Variants in USP6NL observed in about 807,000 individuals in gnomAD.
USP6NL encodes USP6 N-terminal-like protein.
A neutral mutation model predicts 61.9 loss-of-function variants in USP6NL; 26 were observed. The ratio of observed to expected loss-of-function variants is 0.42; its 90% CI spans 0.31 to 0.58. USP6NL has a LOEUF of 0.58. Ranked by LOEUF, USP6NL falls within the 20% of genes least tolerant of loss-of-function variation. The pLI is 0.16. For missense variants in USP6NL, 1,114 were observed against 1,034.3 expected (o/e 1.08, Z -1.06); for synonymous variants, 432 against 390.1 (o/e 1.11, Z -1.27).
chr10:11,508,916 A>G (rs1383721831), intron 6 of USP6NL, among the ~76,000 whole-genome samples: 1 of 152,242 alleles, frequency 6.6e-6, no homozygotes. Flanking sequence ...TAACTGACAC[A>G]GTATTTATTG....
intron 2 of USP6NL, among the ~76,000 whole-genome samples, chr10:11,545,828 TCTC>T (rs1268297652): frequency 2.0e-5 from 3 of 148,202 alleles, no homozygotes; most frequent in Non-Finnish European, 3.1e-5. Context: ...GAGGGTATCT[TCTC>T]CTGTGAACTT....
Position 11,600,628 on chromosome 10 carries a change from A to T in USP6NL, c.-83-2911T>A, listed in dbSNP as rs549954420. Among the ~76,000 whole-genome samples the T allele has an allele frequency of 3.9e-5, 6 of 152,352 alleles. No individual in the cohort carries two copies. Among genetic ancestry groups the T allele is most frequent in the Non-Finnish European group, 7.3e-5 (5 of 68,034 alleles). Reference sequence around the variant, plus strand: ...AAAAGTCTAGCCATATTTCATAAGAAATACACCTAAATCAGCAAAACACAT... The same window carrying T: ...AAAAGTCTAGCCATATTTCATAAGATATACACCTAAATCAGCAAAACACAT... On this transcript the variant is annotated intron_variant, in intron 1 of 14. Transcript: ENST00000609104. The surrounding 1 kb of genome is among the most constrained non-coding windows in gnomAD (Gnocchi z 4.1).
At position 11,462,339 on chromosome 10, in the gene USP6NL, G is replaced by A. The variant is rs2096217689; in HGVS notation, c.*102C>T. ...CTACTAACAGACAGGAGAGATGTGCGAGTTGTTTACAATAGTATAAATACT... is the reference window on the plus strand; with the variant it reads ...CTACTAACAGACAGGAGAGATGTGCAAGTTGTTTACAATAGTATAAATACT... On this transcript the variant is annotated 3_prime_UTR_variant, in exon 15 of 15. Coordinates refer to ENST00000609104, the MANE Select transcript of USP6NL (RefSeq NM_014688.5). 14 of 1,303,518 alleles carry A rather than the reference G, an allele frequency of 1.1e-5. No homozygotes were observed. The highest frequency in any genetic ancestry group is 5.5e-4 in the Middle Eastern group (2 of 3,628). 80.7% of individuals were successfully genotyped at this position (1,303,518 alleles called of 1,614,324 possible). A position where few individuals can be genotyped will look rare whatever the true frequency, so the allele number is the denominator to read the frequency against.
chr10:11,599,408 C>T (rs1339576509), intron 1 of USP6NL, among the ~76,000 whole-genome samples: 1 of 152,218 alleles, frequency 6.6e-6, no homozygotes, highest in Non-Finnish European at 1.5e-5. Flanking sequence ...CACACTGCTT[C>T]CTGCCTCTAA....
In USP6NL at chr10:11,563,371, A is replaced by C. The variant is rs969036960; in HGVS notation, c.4+34260T>G. The C allele has an allele frequency of 2.0e-5, 3 of 151,996 alleles. No individual in the cohort carries two copies. The East Asian group carries it at 5.8e-4, about 29-fold the overall frequency. The allele number at this position is 151,996 out of a possible 1,614,324, so 9.4% of individuals were successfully genotyped here. On this transcript the variant is annotated intron_variant, in intron 2 of 14. Coordinates refer to ENST00000609104, the MANE Select transcript of USP6NL (RefSeq NM_014688.5). The stretch of plus-strand genomic sequence containing the variant: ...TAACCTTGGTTCTGATGACGGTTAC[A>C]CAAATCTACACATGATAAAATTGCC...
At chr10:11,558,775 C>T (rs567302962) in intron 2 of USP6NL, among the ~76,000 whole-genome samples, 1 of 152,280 alleles carries the variant, frequency 6.6e-6, no homozygotes, top group East Asian at 1.9e-4. Context: ...TAAACTCAAA[C>T]AGATCCATCC....
rs375832592 is a variant in USP6NL at position 11,479,639 on chromosome 10, G to C, written c.1078+2131C>G. On this transcript the variant is annotated intron_variant, in intron 14 of 14. Coordinates refer to ENST00000609104, the MANE Select transcript of USP6NL (RefSeq NM_014688.5). ...CGCCCAGGTTGGAGCGCAGTGACGC[G>C]ATCTCAGCTCACTGAAAGCTCCACC... 1.1e-4 allele frequency among the ~76,000 whole-genome samples: 17 copies of C among 149,724 alleles called. No individual in the cohort carries two copies. The East Asian group carries it at 2.8e-3, about 24-fold the overall frequency.
At chr10:11,486,941 G>A (rs1833494724) in intron 10 of USP6NL, among the ~76,000 whole-genome samples, 1 of 151,954 alleles carries the variant, frequency 6.6e-6, no homozygotes. Flanking sequence ...CTACTGGGCA[G>A]AATTATTTCT....
chr10:11,589,270 A>T lies in USP6NL; in HGVS notation c.4+8361T>A, dbSNP rs1838080661. ...ACCACTTAGCATGTAAATTTCTGTT[A>T]TATTAGTTAAAACAACAAATTTAAG... On this transcript the variant is annotated intron_variant, in intron 2 of 14. Coordinates refer to ENST00000609104, the MANE Select transcript of USP6NL (RefSeq NM_014688.5). This position sits in a 1 kb window ranked among gnomAD's most constrained non-coding sequence, Gnocchi z 4.7. 1.3e-5 allele frequency among the ~76,000 whole-genome samples: 2 copies of T among 152,164 alleles called. No individual in the cohort carries two copies. The highest frequency in any genetic ancestry group is 4.8e-5 in the African/African-American group (2 of 41,392).
chr10:11,514,999 A>T (rs1834893948), intron 5 of USP6NL, among the ~76,000 whole-genome samples: 1 of 152,202 alleles, frequency 6.6e-6, no homozygotes, highest in Non-Finnish European at 1.5e-5. Flanking sequence ...AAAGTTTATG[A>T]TATAATACCC....
intron 2 of USP6NL, among the ~76,000 whole-genome samples, chr10:11,573,207 G>A (rs1837423977): frequency 6.6e-6 from 1 of 151,912 alleles, no homozygotes; most frequent in Non-Finnish European, 1.5e-5. Flanking sequence ...TCTACCACAG[G>A]CAGAATCCTA....
At chr10:11,493,343 G>GT in intron 7 of USP6NL, 115 bp from the exon 8 acceptor site, 1 of 832,034 alleles carries the variant, frequency 1.2e-6, no homozygotes, top group Admixed American at 2.8e-5. Context: ...TCACTCAATG[G>GT]TTAAAAAAAA....
At chr10:11,578,403 C>T (rs1295645288) in intron 2 of USP6NL, among the ~76,000 whole-genome samples, 1 of 152,184 alleles carries the variant, frequency 6.6e-6, no homozygotes, top group Admixed American at 6.5e-5. Flanking sequence ...GCATACTTTT[C>T]TACTTTTTTA....
intron 8 of USP6NL, among the ~76,000 whole-genome samples, chr10:11,492,900 A>G (rs1833761433): frequency 6.6e-6 from 1 of 152,222 alleles, no homozygotes; most frequent in Admixed American, 6.5e-5. Context: ...TTATAAAATG[A>G]GTCTTTACCA....
At chr10:11,599,178 GGACCTGGAGCATGCTGACT>G (rs2133671647) in intron 1 of USP6NL, among the ~76,000 whole-genome samples, 1 of 152,304 alleles carries the variant, frequency 6.6e-6, no homozygotes, top group African/African-American at 2.4e-5. Flanking sequence ...TAGGACATGT[GGACCTGGAGCATGCTGACT>G]GCTGACAAGG....
chr10:11,594,007 A>G (rs12217820), intron 2 of USP6NL, among the ~76,000 whole-genome samples: 27,424 of 152,258 alleles, frequency 0.18, 2,925 homozygotes, highest in South Asian at 0.25. Context: ...GAAAAAAGCT[A>G]AGCCATCATT....
intron 6 of USP6NL, among the ~76,000 whole-genome samples, chr10:11,508,735 T>G (rs1003918312): frequency 6.6e-6 from 1 of 152,234 alleles, no homozygotes; most frequent in Non-Finnish European, 1.5e-5. Context: ...CACAACCAAG[T>G]GCAATGACTG....
chr10:11,472,888 C>G (rs987610725), intron 14 of USP6NL, among the ~76,000 whole-genome samples: 1 of 152,162 alleles, frequency 6.6e-6, no homozygotes, highest in African/African-American at 2.4e-5. Flanking sequence ...ACATCTCTCA[C>G]TATAAACCTA....
intron 7 of USP6NL, among the ~76,000 whole-genome samples, chr10:11,494,184 C>T (rs952173990): frequency 6.6e-6 from 1 of 152,174 alleles, no homozygotes; most frequent in Non-Finnish European, 1.5e-5. Flanking sequence ...ACAGCTTCAC[C>T]GTCTTCTGGC....
Sources: gnomAD v4.1 joint callset for allele counts (sites outside exome capture counted in the v4.1 genomes callset) on GRCh38, gnomAD v4.1.1 for gene constraint, Gnocchi (gnomAD v3.1) non-coding constraint, MANE v1.5 for transcripts, NCBI Gene and HGNC (gene_info 2026-07-23, HGNC 2026-07-21) for gene names.